The following INSR variants were observed in gnomAD, a reference collection of about 807,000 sequenced individuals.
INSR encodes insulin receptor, also known as IR.
In INSR, 67 loss-of-function variants were observed where a neutral mutation model predicts 142.6. The observed-to-expected ratio is 0.47, with a 90% confidence interval of 0.39 to 0.58. INSR has a LOEUF of 0.58. Among genes scored for constraint, INSR ranks in the 20% least tolerant of loss-of-function variants. The probability of loss-of-function intolerance (pLI) is 0.00; values close to 1 mark genes in which losing one functional copy is unlikely to be tolerated. For synonymous variants in INSR, 756 were observed against 743.1 expected, an observed-to-expected ratio of 1.02 and a Z score of -0.28; for missense variants, 1,248 against 1,833.2, an observed-to-expected ratio of 0.68 and a Z score of 5.83.
At chr19:7,263,987 T>C (rs1000710340) in intron 2 of INSR, among the ~76,000 whole-genome samples, 5 of 152,026 alleles carry the variant, frequency 3.3e-5, no homozygotes, top group African/African-American at 1.2e-4. Context: ...CTGGCCAACA[T>C]GGAGAAATCC....
chr19:7,172,512 T>C, intron 4 of INSR, 78 bp from the exon 5 acceptor site: 2 of 1,496,998 alleles, frequency 1.3e-6, no homozygotes, highest in Non-Finnish European at 1.8e-6. Context: ...GGTGAGAAGA[T>C]AACCCTCAGG....
rs1479404541 is a variant in INSR at position 7,170,682 on chromosome 19, G to A, written c.1338C>T (p.Leu446=). 2 of 1,613,908 alleles carry A rather than the reference G, an allele frequency of 1.2e-6. No individual in the cohort carries two copies. Among genetic ancestry groups the A allele is most frequent in the Admixed American group, 1.7e-5 (1 of 59,962 alleles). Residue 446 remains leucine (L), a synonymous_variant, in exon 6 of 22, where the codon CTC becomes CTT. Coordinates refer to ENST00000302850, the MANE Select transcript of INSR (RefSeq NM_000208.4). ...AGAAGAGTTTCCCCTGAGTGATGGTGAGGTTGTGTTTGCTCCAGTCCCAGA... is the reference window on the plus strand; with the variant it reads ...AGAAGAGTTTCCCCTGAGTGATGGTAAGGTTGTGTTTGCTCCAGTCCCAGA... The part of the protein sequence containing the change: ...RQLWDWSKHN[L]TITQGKLFFH...
intron 2 of INSR, among the ~76,000 whole-genome samples, chr19:7,237,282 G>A (rs973186858): frequency 6.6e-6 from 1 of 152,058 alleles, no homozygotes; most frequent in Non-Finnish European, 1.5e-5. Flanking sequence ...ACATTAGGAG[G>A]CCAAGGCAGG....
At chr19:7,284,556 T>C (rs1472013380) in intron 1 of INSR, among the ~76,000 whole-genome samples, 1 of 151,900 alleles carries the variant, frequency 6.6e-6, no homozygotes, top group Non-Finnish European at 1.5e-5. Flanking sequence ...TTGTTTTGAG[T>C]CTCACCCTGT....
intron 16 of INSR, 72 bp downstream of exon 16, chr19:7,126,512 C>T: frequency 1.5e-6 from 2 of 1,342,886 alleles, no homozygotes; most frequent in Non-Finnish European, 2.1e-6. Flanking sequence ...CCTTCACTCT[C>T]ACTCAATGGT....
intron 2 of INSR, among the ~76,000 whole-genome samples, chr19:7,257,466 G>T (rs1976929288): frequency 1.3e-5 from 2 of 150,814 alleles, no homozygotes; most frequent in Admixed American, 6.6e-5. Flanking sequence ...GGAGGGAGGA[G>T]GGTGGAGTGG....
chr19:7,261,877 C>CT (rs1977076551), intron 2 of INSR, among the ~76,000 whole-genome samples: 1 of 152,140 alleles, frequency 6.6e-6, no homozygotes, highest in East Asian at 1.9e-4. Context: ...GTAAAAAGTG[C>CT]TTAAGGGACA....
At chr19:7,185,848 A>AAAAAG in intron 2 of INSR, among the ~76,000 whole-genome samples, 1 of 143,816 alleles carries the variant, frequency 7.0e-6, no homozygotes, top group East Asian at 2.0e-4. Context: ...TGTCAAAAAA[A>AAAAAG]AAAAAAAAAA....
intron 2 of INSR, among the ~76,000 whole-genome samples, chr19:7,215,708 C>T (rs1279019263): frequency 6.6e-6 from 1 of 151,918 alleles, no homozygotes; most frequent in African/African-American, 2.4e-5. Flanking sequence ...GCTTGAATTA[C>T]AGGCGCATGC....
chr19:7,200,434 T>C (rs563108665), intron 2 of INSR, among the ~76,000 whole-genome samples: 1 of 152,124 alleles, frequency 6.6e-6, no homozygotes, highest in African/African-American at 2.4e-5. Context: ...GTTCAAGATA[T>C]AGAGGCTGCA....
chr19:7,231,987 A>C (rs1975994570), intron 2 of INSR, among the ~76,000 whole-genome samples: 1 of 150,178 alleles, frequency 6.7e-6, no homozygotes. Flanking sequence ...GAGGCTAACT[A>C]TTTCTTTCTC....
At chr19:7,136,412 C>T (rs183102429) in intron 13 of INSR, among the ~76,000 whole-genome samples, 15 of 152,210 alleles carry the variant, frequency 9.9e-5, no homozygotes, top group African/African-American at 3.1e-4. Context: ...TGAGTGTGGA[C>T]ATTGAAAATC....
intron 2 of INSR, among the ~76,000 whole-genome samples, chr19:7,202,126 A>G (rs927879702): frequency 2.0e-5 from 3 of 152,214 alleles, no homozygotes; most frequent in African/African-American, 4.8e-5. Flanking sequence ...CTAACCATAC[A>G]TGGCCCCTAA....
chr19:7,114,906 C>T lies in INSR; in HGVS notation c.*2150G>A, dbSNP rs1045128111. Reference sequence around the variant, plus strand: ...GAAGAGAACAAAATACCTAGTTCTACGTGTTTTTTTTTTAAATTTAGGTAC... The same window carrying T: ...GAAGAGAACAAAATACCTAGTTCTATGTGTTTTTTTTTTAAATTTAGGTAC... On this transcript the variant is annotated 3_prime_UTR_variant, in exon 22 of 22. Coordinates refer to ENST00000302850, the MANE Select transcript of INSR (RefSeq NM_000208.4). 2.2e-4 allele frequency: 14 copies of T among 63,806 alleles called. No individual in the cohort carries two copies. Among genetic ancestry groups the T allele is most frequent in the Middle Eastern group, 0.014 (2 of 140 alleles). The allele number at this position is 63,806 out of a possible 1,614,324, so 4.0% of individuals were successfully genotyped here. A position where few individuals can be genotyped will look rare whatever the true frequency, so the allele number is the denominator to read the frequency against.
chr19:7,148,323 G>A (rs1973231516), intron 11 of INSR, among the ~76,000 whole-genome samples: 1 of 152,058 alleles, frequency 6.6e-6, no homozygotes, highest in East Asian at 1.9e-4. Context: ...AATGTCTGAA[G>A]ATATTTTTGG....
chr19:7,282,657 G>C (rs754424016), intron 1 of INSR, among the ~76,000 whole-genome samples: 6 of 151,892 alleles, frequency 4.0e-5, no homozygotes, highest in Admixed American at 6.6e-5. Flanking sequence ...ATTCCAGCCT[G>C]GGCAACGGAG....
At chr19:7,197,809 GGAGA>G (rs200529496) in intron 2 of INSR, among the ~76,000 whole-genome samples, 1,822 of 101,076 alleles carry the variant, frequency 0.018, 140 homozygotes, top group African/African-American at 0.049. Flanking sequence ...TTCCAGAGTG[GGAGA>G]GAGAGCGAGA....
intron 2 of INSR, among the ~76,000 whole-genome samples, chr19:7,193,068 G>T (rs951245678): frequency 2.6e-5 from 4 of 151,840 alleles, no homozygotes; most frequent in Non-Finnish European, 5.9e-5. Flanking sequence ...GCAAAGGAAC[G>T]AATCTTGCAC....
At chr19:7,156,686 T>G (rs1973600296) in intron 9 of INSR, among the ~76,000 whole-genome samples, 1 of 150,166 alleles carries the variant, frequency 6.7e-6, no homozygotes, top group African/African-American at 2.5e-5. Context: ...CAAACATGCA[T>G]AGAAAAGGGA....
Sources: allele counts gnomAD v4.1 joint callset (sites outside exome capture counted in the v4.1 genomes callset), GRCh38; gene constraint gnomAD v4.1.1; transcripts MANE v1.5; gene names NCBI Gene and HGNC (gene_info 2026-07-23, HGNC 2026-07-21).